SPATS2: variants seen among roughly 807,000 people sequenced by gnomAD.
SPATS2 encodes the protein spermatogenesis associated serine rich 2.
In SPATS2, 38 loss-of-function variants were observed where a neutral mutation model predicts 63.7. The ratio of observed to expected loss-of-function variants is 0.60; its 90% CI spans 0.46 to 0.78. SPATS2 has a LOEUF of 0.78. Among genes scored for constraint, SPATS2 ranks in the 30% least tolerant of loss-of-function variants. The pLI is 0.00. For synonymous variants in SPATS2, 207 were observed against 232.9 expected (o/e 0.89, Z 1.01); for missense variants, 588 against 666.2 (o/e 0.88, Z 1.29).
intron 2 of SPATS2, among the ~76,000 whole-genome samples, chr12:49,395,932 G>A (rs1281271798): frequency 6.6e-6 from 1 of 152,114 alleles, no homozygotes; most frequent in African/African-American, 2.4e-5. Context: ...CCAGCCCCTG[G>A]CAACCACCAT....
chr12:49,509,986 G>A (rs748563276), intron 9 of SPATS2, among the ~76,000 whole-genome samples: 2 of 151,956 alleles, frequency 1.3e-5, no homozygotes, highest in Non-Finnish European at 2.9e-5. Flanking sequence ...GCCATTTATG[G>A]TGGCTCATAC....
chr12:49,477,072 C>A (rs964218035), intron 3 of SPATS2, among the ~76,000 whole-genome samples: 3 of 151,176 alleles, frequency 2.0e-5, no homozygotes, highest in Non-Finnish European at 2.9e-5. Flanking sequence ...CATTACACTC[C>A]GGCCTGGGCA....
chr12:49,454,276 A>G (rs1051627514), intron 2 of SPATS2: 2 of 152,284 alleles, frequency 1.3e-5, no homozygotes, highest in African/African-American at 4.8e-5. Flanking sequence ...AGTACACCAC[A>G]AGCCTGTCTA....
rs367735131 is a variant in SPATS2 at position 49,499,391 on chromosome 12, GTTGTTTTGTTTTGTTTTGTT to G, written c.704-646_704-627del. Among the ~76,000 whole-genome samples the G allele has an allele frequency of 1.8e-3, 267 of 146,546 alleles. 4 individuals carry two copies. The highest frequency in any genetic ancestry group is 5.8e-3 in the African/African-American group (229 of 39,622). ...TGAGCTCTGGGGATTGTTCTGCCTG[GTTGTTTTGTTTTGTTTTGTT>G]TTGTTTTGTTTTGTTTTGTTTTGTT... On this transcript the variant is annotated intron_variant, in intron 8 of 13. Coordinates refer to ENST00000552918, the MANE Select transcript of SPATS2 (RefSeq NM_023071.4).
At chr12:49,383,550 A>G (rs1041400970) in intron 2 of SPATS2, among the ~76,000 whole-genome samples, 5 of 152,014 alleles carry the variant, frequency 3.3e-5, no homozygotes, top group African/African-American at 1.2e-4. Flanking sequence ...AGCTAGGACT[A>G]CAGGCCATGC....
chr12:49,492,545 G>T (rs1946400794), intron 6 of SPATS2, among the ~76,000 whole-genome samples: 1 of 152,050 alleles, frequency 6.6e-6, no homozygotes, highest in African/African-American at 2.4e-5. Flanking sequence ...TAATTTATTA[G>T]CCCAGGATTA....
chr12:49,450,730 G>A (rs180958727), intron 2 of SPATS2, among the ~76,000 whole-genome samples: 1 of 152,094 alleles, frequency 6.6e-6, no homozygotes, highest in African/African-American at 2.4e-5. Flanking sequence ...TTTTAGTAGA[G>A]ATAGGGTTTC....
chr12:49,411,307 C>T (rs960682050), intron 2 of SPATS2, among the ~76,000 whole-genome samples: 1 of 152,070 alleles, frequency 6.6e-6, no homozygotes, highest in East Asian at 1.9e-4. Context: ...AAGAAGGCTC[C>T]CACCGGATGT....
At chr12:49,437,112 C>T (rs937288796) in intron 2 of SPATS2, among the ~76,000 whole-genome samples, 2 of 151,466 alleles carry the variant, frequency 1.3e-5, no homozygotes, top group Non-Finnish European at 2.9e-5. Context: ...ACTTTTCAGA[C>T]GGTGTGGCTG....
intron 2 of SPATS2, among the ~76,000 whole-genome samples, chr12:49,421,504 T>C (rs898149331): frequency 6.7e-6 from 1 of 149,282 alleles, no homozygotes; most frequent in Non-Finnish European, 1.5e-5. Context: ...TCAAAGACCA[T>C]GAGGGATACA....
chr12:49,382,850 G>A (rs1944245830), intron 2 of SPATS2, among the ~76,000 whole-genome samples: 1 of 151,904 alleles, frequency 6.6e-6, no homozygotes, highest in Non-Finnish European at 1.5e-5. Context: ...GATTACAGGT[G>A]CACGCCACCA....
intron 3 of SPATS2, among the ~76,000 whole-genome samples, chr12:49,465,555 C>A (rs764477239): frequency 6.6e-6 from 1 of 152,022 alleles, no homozygotes; most frequent in Non-Finnish European, 1.5e-5. Context: ...GTCTTATTAT[C>A]GAATTCTAAG....
At chr12:49,514,317 A>G (rs1041663583) in intron 9 of SPATS2, 4 of 456,152 alleles carry the variant, frequency 8.8e-6, no homozygotes, top group Non-Finnish European at 1.6e-5. Context: ...TACTGCTGCA[A>G]TGTACCAATA....
chr12:49,523,058 A>G (rs962954920), intron 12 of SPATS2, among the ~76,000 whole-genome samples: 3 of 152,162 alleles, frequency 2.0e-5, no homozygotes, highest in African/African-American at 7.2e-5. Context: ...TAAATGTGAA[A>G]GACTGTTTTT....
chr12:49,415,339 C>T (rs565156897), intron 2 of SPATS2, among the ~76,000 whole-genome samples: 7 of 152,172 alleles, frequency 4.6e-5, no homozygotes, highest in African/African-American at 7.2e-5. Context: ...GTCACTGTGC[C>T]TGGTCTGGGA....
intron 4 of SPATS2, 106 bp from the exon 5 acceptor site, chr12:49,489,359 T>C: frequency 1.3e-6 from 1 of 760,540 alleles, no homozygotes; most frequent in Non-Finnish European, 2.1e-6. Context: ...GAGTGATACA[T>C]ATTGTTAAAA....
intron 10 of SPATS2, among the ~76,000 whole-genome samples, chr12:49,517,736 A>G (rs1282381982): frequency 6.6e-6 from 1 of 152,194 alleles, no homozygotes; most frequent in Non-Finnish European, 1.5e-5. Flanking sequence ...GCTTTCCTGT[A>G]AAGCCTGCCC....
In SPATS2 at chr12:49,405,768, C is replaced by G. The variant is rs531615680; in HGVS notation, c.-244+34478C>G. Among the ~76,000 whole-genome samples the G allele has an allele frequency of 2.6e-5, 4 of 152,278 alleles. No homozygotes were observed. In the South Asian group the frequency reaches 6.2e-4, roughly 24 times the overall value. Reference sequence around the variant, plus strand: ...AACTTACTTTTTCGTAAATGTCTACCATTTTTAGTACAGGGCGAGTCCAAA... The same window carrying G: ...AACTTACTTTTTCGTAAATGTCTACGATTTTTAGTACAGGGCGAGTCCAAA... On this transcript the variant is annotated intron_variant, in intron 2 of 13. Transcript: ENST00000552918.
chr12:49,478,357 T>C (rs554886023), intron 3 of SPATS2, among the ~76,000 whole-genome samples: 16 of 152,308 alleles, frequency 1.1e-4, no homozygotes, highest in Admixed American at 5.9e-4. Context: ...TTTGCACTTA[T>C]ATTTGTACAA....
Sources: gnomAD v4.1 joint callset for allele counts (sites outside exome capture counted in the v4.1 genomes callset) on GRCh38, gnomAD v4.1.1 for gene constraint, MANE v1.5 for transcripts, NCBI Gene and HGNC (gene_info 2026-07-23, HGNC 2026-07-21) for gene names.